The following NEK10 variants were observed in gnomAD, a reference collection of about 807,000 sequenced individuals.
NEK10 encodes serine/threonine-protein kinase Nek10.
A neutral mutation model predicts 159.8 loss-of-function variants in NEK10; 122 were observed. That is an observed-to-expected ratio of 0.76 (90% CI 0.66 to 0.89). The LOEUF is 0.89. NEK10 is among the 40% of genes least tolerant of loss of function. NEK10 has a pLI of 0.00. For missense variants in NEK10, 1,342 were observed against 1,323.1 expected (o/e 1.01, Z -0.22); for synonymous variants, 466 against 457.1 (o/e 1.02, Z -0.25).
At chr3:27,256,940 G>C (rs1297568071) in intron 22 of NEK10, among the ~76,000 whole-genome samples, 1 of 118,776 alleles carries the variant, frequency 8.4e-6, no homozygotes, top group African/African-American at 3.4e-5. Flanking sequence ...TTTTGAGACA[G>C]AATCTCACTC....
chr3:27,311,434 A>T (rs2044691269), intron 8 of NEK10: 1 of 158,380 alleles, frequency 6.3e-6, no homozygotes, highest in Admixed American at 6.5e-5. Context: ...CCTCAAAGAG[A>T]CTTCCTAGTG....
At chr3:27,158,672 A>G (rs987074260) in intron 30 of NEK10, among the ~76,000 whole-genome samples, 6 of 152,188 alleles carry the variant, frequency 3.9e-5, no homozygotes, top group African/African-American at 1.4e-4. Context: ...GGTGCTGTCT[A>G]AATAAAAACC....
chr3:27,275,226 G>T (rs1197704183), intron 22 of NEK10, among the ~76,000 whole-genome samples: 3 of 152,100 alleles, frequency 2.0e-5, no homozygotes, highest in African/African-American at 7.2e-5. Flanking sequence ...TCTTTTTCTT[G>T]TAGCCAACTT....
chr3:27,301,850 T>C lies in NEK10; in HGVS notation c.1029-15A>G, dbSNP rs1186379715. 1 of 1,544,944 alleles carries C rather than the reference T, an allele frequency of 6.5e-7. No individual in the cohort carries two copies. Among genetic ancestry groups the C allele is most frequent in the Non-Finnish European group, 8.8e-7 (1 of 1,140,816 alleles). On this transcript the variant is annotated splice_polypyrimidine_tract_variant and intron_variant, in intron 12 of 35. Transcript: ENST00000691995. ...AATTTCTGTCTCTGAAAAAGAAAAG[T>C]TAATGCATAGACCATTTATCAATTT... is the stretch of plus-strand genomic sequence containing the variant.
At position 27,257,063 on chromosome 3, in the gene NEK10, G is replaced by A. The variant is rs376661882; in HGVS notation, c.2015-692C>T. 3.3e-5 allele frequency among the ~76,000 whole-genome samples: 5 copies of A among 151,914 alleles called. No individual in the cohort carries two copies. In the South Asian group the frequency reaches 8.3e-4, roughly 25 times the overall value. ...CCCAAGTAGCTGGGATTACAGGCAC[G>A]TGCCACCATGCCCGGCTAATTTTTG... On this transcript the variant is annotated intron_variant, in intron 22 of 35. Transcript: ENST00000691995.
chr3:27,145,418 T>C (rs1944205549), intron 30 of NEK10, among the ~76,000 whole-genome samples: 1 of 152,154 alleles, frequency 6.6e-6, no homozygotes, highest in South Asian at 2.1e-4. Context: ...TTGGCTAGTG[T>C]TTTAAAACTT....
At chr3:27,250,437 T>C (rs1445193639) in intron 23 of NEK10, among the ~76,000 whole-genome samples, 2 of 152,254 alleles carry the variant, frequency 1.3e-5, no homozygotes, top group Admixed American at 1.3e-4. Flanking sequence ...CCACCTGCCT[T>C]GGTCTCCCAA....
intron 25 of NEK10, 62 bp downstream of exon 25, chr3:27,201,444 GATTT>G: frequency 7.7e-7 from 1 of 1,302,816 alleles, no homozygotes; most frequent in Non-Finnish European, 1.1e-6. Flanking sequence ...CATAAATAGT[GATTT>G]ATTATAGAAA....
At chr3:27,227,428 G>T (rs1403958021) in intron 23 of NEK10, among the ~76,000 whole-genome samples, 4 of 152,172 alleles carry the variant, frequency 2.6e-5, no homozygotes, top group African/African-American at 9.7e-5. Context: ...TAGCATAAAG[G>T]TTAGAGTCAA....
intron 9 of NEK10, chr3:27,310,672 T>A (rs2044620509): frequency 3.3e-6 from 1 of 306,568 alleles, no homozygotes; most frequent in Non-Finnish European, 5.9e-6. Flanking sequence ...TAGCTGGGGC[T>A]TTTCAAATAA....
intron 23 of NEK10, among the ~76,000 whole-genome samples, chr3:27,222,198 C>A (rs1180993966): frequency 6.6e-6 from 1 of 152,080 alleles, no homozygotes; most frequent in Non-Finnish European, 1.5e-5. Flanking sequence ...TATGGTGAAA[C>A]CCCGTCTCTA....
At chr3:27,214,544 T>A (rs11720211) in intron 23 of NEK10, among the ~76,000 whole-genome samples, 34,432 of 143,314 alleles carry the variant, frequency 0.24, 4,290 homozygotes, top group Middle Eastern at 0.38. Flanking sequence ...GCTTTTACTT[T>A]CTTTCTTTTT....
At chr3:27,286,339 G>A (rs927808827) in intron 20 of NEK10, among the ~76,000 whole-genome samples, 1 of 151,246 alleles carries the variant, frequency 6.6e-6, no homozygotes, top group African/African-American at 2.4e-5. Context: ...GCCCATCTCA[G>A]CCTCCCAAAG....
chr3:27,168,179 G>A (rs546426167), intron 29 of NEK10, among the ~76,000 whole-genome samples: 2 of 151,958 alleles, frequency 1.3e-5, no homozygotes, highest in Middle Eastern at 3.4e-3. Context: ...TAAAGAGTCA[G>A]TAAGGGTCCC....
intron 32 of NEK10, among the ~76,000 whole-genome samples, chr3:27,126,379 A>G (rs1325431233): frequency 6.6e-6 from 1 of 152,214 alleles, no homozygotes; most frequent in East Asian, 1.9e-4. Flanking sequence ...CATCAGTAAC[A>G]TAAGGGAACT....
chr3:27,246,699 C>T (rs1390604081), intron 23 of NEK10, among the ~76,000 whole-genome samples: 1 of 152,122 alleles, frequency 6.6e-6, no homozygotes, highest in Non-Finnish European at 1.5e-5. Flanking sequence ...AACCCCTGCC[C>T]ACTACCCTTC....
At chr3:27,190,411 C>G (rs1949008793) in intron 26 of NEK10, among the ~76,000 whole-genome samples, 1 of 152,092 alleles carries the variant, frequency 6.6e-6, no homozygotes, top group Admixed American at 6.5e-5. Flanking sequence ...CAGGATTAGC[C>G]CTTAATAGCT....
chr3:27,309,296 T>A, intron 9 of NEK10: 1 of 179,606 alleles, frequency 5.6e-6, no homozygotes, highest in Non-Finnish European at 1.2e-5. Context: ...TTATAAACAC[T>A]TTTTGTCAAT....
chr3:27,184,135 T>C (rs946513881), intron 26 of NEK10, among the ~76,000 whole-genome samples: 5 of 152,180 alleles, frequency 3.3e-5, no homozygotes, highest in African/African-American at 4.8e-5. Context: ...TTTTTGTAAA[T>C]AGGTTTTCAA....
Sources: allele counts gnomAD v4.1 joint callset (sites outside exome capture counted in the v4.1 genomes callset), GRCh38; gene constraint gnomAD v4.1.1; transcripts MANE v1.5; gene names NCBI Gene and HGNC (gene_info 2026-07-23, HGNC 2026-07-21).